The following ADGRG1 variants were observed in gnomAD, a reference collection of about 807,000 sequenced individuals.
ADGRG1 encodes 7-transmembrane protein with no EGF-like N-terminal domains-1.
In ADGRG1, 53 loss-of-function variants were observed where a neutral mutation model predicts 73.5. The ratio of observed to expected loss-of-function variants is 0.72; its 90% CI spans 0.58 to 0.91. ADGRG1 has a LOEUF of 0.91. ADGRG1 is among the 40% of genes least tolerant of loss of function. The probability of loss-of-function intolerance (pLI) is 0.00; values close to 1 mark genes in which losing one functional copy is unlikely to be tolerated. For synonymous variants in ADGRG1, 394 were observed against 374.4 expected (o/e 1.05, Z -0.60); for missense variants, 795 against 871.8 (o/e 0.91, Z 1.11).
At position 57,651,820 on chromosome 16, in the gene ADGRG1, G is replaced by A. The variant is rs1047456652; in HGVS notation, c.487+198G>A. 1.0e-5 allele frequency: 15 copies of A among 1,467,396 alleles called. 1 individual carries two copies. Among genetic ancestry groups the A allele is most frequent in the South Asian group, 2.7e-5 (2 of 73,348 alleles). The allele number at this position is 1,467,396 out of a possible 1,614,324, so 90.9% of individuals were successfully genotyped here. On this transcript the variant is annotated intron_variant, in intron 3 of 13. Transcript: ENST00000562631. The stretch of plus-strand genomic sequence containing the variant: ...TAGGATTACAGGCATGAACCACTGC[G>A]CTCGGCCCCACTGTCCCTTGATGGT...
chr16:57,655,094 C>A (rs536435096), intron 5 of ADGRG1: 393 of 985,004 alleles, frequency 4.0e-4, no homozygotes, highest in Middle Eastern at 1.0e-3. Flanking sequence ...CACATGGCCA[C>A]CCCCAAGTTG....
In ADGRG1 at chr16:57,663,658, G is replaced by T; in HGVS notation, c.*76G>T. ...ACACTGCCTGTGGCCCCCGAGCCCG[G>T]CCCAGCCCCAGGCCAGTCAGCCGCA... On this transcript the variant is annotated 3_prime_UTR_variant, in exon 14 of 14. Transcript: ENST00000562631. The T allele has an allele frequency of 1.3e-6, 2 of 1,515,038 alleles. No individual in the cohort carries two copies. Among genetic ancestry groups the T allele is most frequent in the South Asian group, 1.1e-5 (1 of 89,014 alleles). 93.8% of individuals were successfully genotyped at this position (1,515,038 alleles called of 1,614,324 possible).
At chr16:57,651,018 C>T in intron 2 of ADGRG1, 182 bp from the exon 3 acceptor site, 1 of 1,520,332 alleles carries the variant, frequency 6.6e-7, no homozygotes, top group Middle Eastern at 2.3e-4. Flanking sequence ...TCAGTTTCCT[C>T]TTTTTATAGT....
intron 1 of ADGRG1, chr16:57,647,093 T>C: frequency 2.0e-6 from 2 of 985,170 alleles, no homozygotes; most frequent in Admixed American, 6.1e-5. Context: ...GGCAGGTGTG[T>C]GTGCGTGGGG....
chr16:57,653,420 CT>C, intron 4 of ADGRG1, 85 bp downstream of exon 4: 2 of 1,584,004 alleles, frequency 1.3e-6, no homozygotes, highest in Non-Finnish European at 8.5e-7. Context: ...GGAGTAGGGG[CT>C]ACTGCGAGGC....
rs2046918607 is a variant in ADGRG1, at chr16:57,660,854, G to T, written c.1642G>T (p.Glu548Ter). ...CATCTTGGCTGTGCATAGGACTCCAGAGGGCGTCATCTACCCTTCCATGTG... is the reference window on the plus strand; with the variant it reads ...CATCTTGGCTGTGCATAGGACTCCATAGGGCGTCATCTACCCTTCCATGTG... ...PIILAVHRTP[E>*]GVIYPSMCWI... is the part of the protein sequence containing the mutation. Residue 548 changes from glutamate (E) to a stop codon, truncating the protein, a stop_gained, in exon 12 of 14, where the codon GAG becomes TAG. Coordinates refer to ENST00000562631, the MANE Select transcript of ADGRG1 (RefSeq NM_201525.4). LOFTEE classifies it high-confidence loss of function. 6.2e-7 allele frequency: 1 copy of T among 1,602,972 alleles called. No individual in the cohort carries two copies. Among genetic ancestry groups the T allele is most frequent in the African/African-American group, 1.3e-5 (1 of 74,840 alleles).
intron 10 of ADGRG1, chr16:57,658,875 G>GGT: frequency 1.3e-6 from 1 of 768,286 alleles, no homozygotes; most frequent in Non-Finnish European, 1.6e-6. Flanking sequence ...AGGGCAGGGT[G>GGT]GGACTCCAGG....
chr16:57,621,508 G>C (rs11864564), intron 2 of ADGRG1: 5,115 of 152,156 alleles, frequency 0.034, 156 homozygotes, highest in East Asian at 0.11. Context: ...GGTGTAGGGA[G>C]TGGGGGTGGA....
rs1253105797 is a variant in ADGRG1, at chr16:57,659,794, C to T, written c.1555+113C>T. 73 of 1,117,568 alleles carry T rather than the reference C, an allele frequency of 6.5e-5. No individual in the cohort carries two copies. In the South Asian group the frequency reaches 9.2e-4, roughly 14 times the overall value. 69.2% of individuals were successfully genotyped at this position (1,117,568 alleles called of 1,614,324 possible). Reference sequence around the variant, plus strand: ...ATCTCTCTGACTTCCCTCCTGGCCTCCTTCACTCATCCTCAGGTGTCCTTC... The same window carrying T: ...ATCTCTCTGACTTCCCTCCTGGCCTTCTTCACTCATCCTCAGGTGTCCTTC... On this transcript the variant is annotated intron_variant, in intron 11 of 13. Transcript: ENST00000562631.
At chr16:57,639,798 C>A in intron 1 of ADGRG1, 1 of 825,292 alleles carries the variant, frequency 1.2e-6, no homozygotes, top group Non-Finnish European at 1.5e-6. Flanking sequence ...TCCTTCCTCC[C>A]CATCCCTTCC....
At chr16:57,648,609 T>G in intron 1 of ADGRG1, 1 of 984,930 alleles carries the variant, frequency 1.0e-6, no homozygotes, top group Non-Finnish European at 1.2e-6. Flanking sequence ...AATGCTGCTC[T>G]CAATGATTTG....
intron 1 of ADGRG1, chr16:57,643,546 G>C (rs373467032): frequency 1.0e-6 from 1 of 984,730 alleles, no homozygotes; most frequent in African/African-American, 1.7e-5. Context: ...AGTGAGGCCT[G>C]AGCTGGCGGT....
Position 57,651,271 on chromosome 16 carries a change from C to T in ADGRG1, c.136C>T (p.Leu46Phe). 3 of 1,614,174 alleles carry T rather than the reference C, an allele frequency of 1.9e-6. No homozygotes were observed. The highest frequency in any genetic ancestry group is 4.5e-5 in the East Asian group (2 of 44,870). The change falls in exon 3 of 14, where the codon CTC (leucine) becomes TTC (phenylalanine). Residue 46 changes from leucine to phenylalanine, a missense_variant. Transcript: ENST00000562631. ...GCGGAACCAGACACACAGGAGCAGC[C>T]TCCACTACAAACCCACACCAGACCT... ...SQRNQTHRSSLHYKPTPDLRI... is the reference protein window; with the variant it reads ...SQRNQTHRSSFHYKPTPDLRI...
chr16:57,634,495 T>G, intron 1 of ADGRG1: 1 of 982,876 alleles, frequency 1.0e-6, no homozygotes, highest in Non-Finnish European at 1.2e-6. Context: ...CCTCATTCAA[T>G]CTTGAGTGCT....
intron 11 of ADGRG1, chr16:57,660,456 C>T: frequency 2.3e-6 from 2 of 880,466 alleles, no homozygotes; most frequent in Non-Finnish European, 2.7e-6. Flanking sequence ...CCTAAACTGT[C>T]TGCCCCTCCC....
At chr16:57,650,478 T>C in intron 2 of ADGRG1, 127 bp downstream of exon 2, 1 of 1,551,926 alleles carries the variant, frequency 6.4e-7, no homozygotes, top group Non-Finnish European at 8.7e-7. Context: ...GAGGGTACCT[T>C]GGAGAAAAGC....
chr16:57,653,122 C>T, intron 3 of ADGRG1, 81 bp from the exon 4 acceptor site: 2 of 1,596,658 alleles, frequency 1.3e-6, no homozygotes, highest in Non-Finnish European at 1.7e-6. Context: ...AGAGTCATGT[C>T]AGGGTGGTAG....
At chr16:57,647,654 C>T (rs1180868908) in intron 1 of ADGRG1, 3 of 419,028 alleles carry the variant, frequency 7.2e-6, no homozygotes, top group African/African-American at 4.3e-5. Flanking sequence ...CAGTCTGGCT[C>T]TAGAGTCTAC....
At chr16:57,656,333 G>T (rs1371655761) in intron 8 of ADGRG1, 62 bp downstream of exon 8, 15 of 1,607,014 alleles carry the variant, frequency 9.3e-6, no homozygotes, top group South Asian at 1.1e-5. Context: ...GTCCTGGGGG[G>T]TGGGGGAGGT....
Sources: allele counts gnomAD v4.1 joint callset, GRCh38; gene constraint gnomAD v4.1.1; transcripts MANE v1.5; gene names NCBI Gene and HGNC (gene_info 2026-07-23, HGNC 2026-07-21).